The following ADGRV1 variants were observed in gnomAD, a reference collection of about 807,000 sequenced individuals.
The protein encoded by ADGRV1 is G-protein coupled receptor 98.
A neutral mutation model predicts 596.2 loss-of-function variants in ADGRV1; 359 were observed. That is an observed-to-expected ratio of 0.60 (90% CI 0.55 to 0.66). The LOEUF (loss-of-function observed/expected upper bound fraction) is 0.66. ADGRV1 is among the 30% of genes least tolerant of loss of function. The probability of loss-of-function intolerance (pLI) is 0.00; values close to 1 mark genes in which losing one functional copy is unlikely to be tolerated. For synonymous variants in ADGRV1, 2,681 were observed against 2,679.2 expected, an observed-to-expected ratio of 1.00 and a Z score of -0.02; for missense variants, 7,274 against 7,575.6, an observed-to-expected ratio of 0.96 and a Z score of 1.48.
chr5:91,054,102 T>TGTGTGTGTGA (rs1299621929), intron 85 of ADGRV1, among the ~76,000 whole-genome samples: 7 of 126,670 alleles, frequency 5.5e-5, no homozygotes, highest in African/African-American at 1.3e-4. Context: ...TGTGTGTGTG[T>TGTGTGTGTGA]GAGAGAGAGA....
chr5:90,774,201 AC>A lies in ADGRV1; in HGVS notation c.12303del (p.Ile4102LeufsTer21). 2 of 1,601,706 alleles carry A rather than the reference AC, an allele frequency of 1.2e-6. No homozygotes were observed. The highest frequency in any genetic ancestry group is 1.7e-6 in the Non-Finnish European group (2 of 1,171,054). ...LHFDETESQKTIVLHTLQDTV... is the reference protein window; with the variant it reads ...LHFDETESQKXIVLHTLQDTV... Reference sequence around the variant, plus strand: ...TTGGATGTAGACTGAGTCCCAGAAGACCATTGTGTTGCACACACTTCAAGAC... The same window carrying A: ...TTGGATGTAGACTGAGTCCCAGAAGACATTGTGTTGCACACACTTCAAGAC... On this transcript the variant is annotated frameshift_variant, in exon 60 of 90. Transcript: ENST00000405460. LOFTEE classifies it high-confidence loss of function.
At chr5:90,984,128 A>G (rs996199046) in intron 84 of ADGRV1, among the ~76,000 whole-genome samples, 18 of 152,188 alleles carry the variant, frequency 1.2e-4, no homozygotes, top group Non-Finnish European at 2.1e-4. Flanking sequence ...TATACATGCA[A>G]CTGAGGCTCT....
chr5:90,572,070 C>T (rs1288017430), intron 1 of ADGRV1, among the ~76,000 whole-genome samples: 4 of 152,108 alleles, frequency 2.6e-5, no homozygotes. Flanking sequence ...TAGGGCTTCC[C>T]CCTACCTCTT....
At chr5:90,624,489 G>A (rs994363743) in intron 5 of ADGRV1, among the ~76,000 whole-genome samples, 8 of 152,020 alleles carry the variant, frequency 5.3e-5, no homozygotes, top group Admixed American at 2.0e-4. Flanking sequence ...GCCATATACT[G>A]TTGTAAGTGC....
intron 48 of ADGRV1, among the ~76,000 whole-genome samples, chr5:90,727,255 T>C (rs1019398922): frequency 1.3e-5 from 2 of 152,284 alleles, no homozygotes; most frequent in Middle Eastern, 3.4e-3. Flanking sequence ...ACCTGGCTGA[T>C]TTTTTGTATT....
intron 85 of ADGRV1, among the ~76,000 whole-genome samples, chr5:91,046,191 A>G (rs750292857): frequency 1.3e-5 from 2 of 152,160 alleles, no homozygotes; most frequent in Non-Finnish European, 2.9e-5. Context: ...TGGAATCAAA[A>G]AAGAGCCTGC....
chr5:91,083,604 G>A (rs1582004520), intron 86 of ADGRV1, among the ~76,000 whole-genome samples: 2 of 152,264 alleles, frequency 1.3e-5, no homozygotes, highest in East Asian at 3.9e-4. Context: ...AACAAACTTT[G>A]ATCCTCACAG....
At chr5:91,109,258 A>C (rs1792160124) in intron 87 of ADGRV1, among the ~76,000 whole-genome samples, 1 of 152,186 alleles carries the variant, frequency 6.6e-6, no homozygotes, top group Admixed American at 6.5e-5. Context: ...TTAAAAAATT[A>C]AACTGTTGGA....
At chr5:90,669,668 A>G (rs1772143799) in intron 21 of ADGRV1, among the ~76,000 whole-genome samples, 1 of 152,312 alleles carries the variant, frequency 6.6e-6, no homozygotes, top group South Asian at 2.1e-4. Context: ...AAATTATAAC[A>G]CTAGATGTGG....
intron 76 of ADGRV1, among the ~76,000 whole-genome samples, chr5:90,827,377 G>A (rs975793224): frequency 6.6e-6 from 1 of 152,102 alleles, no homozygotes; most frequent in African/African-American, 2.4e-5. Flanking sequence ...GACTCTTTAT[G>A]TTACTAGTCT....
At chr5:90,731,978 G>T (rs564163776) in intron 50 of ADGRV1, among the ~76,000 whole-genome samples, 3 of 152,114 alleles carry the variant, frequency 2.0e-5, no homozygotes, top group Admixed American at 1.3e-4. Flanking sequence ...TTTAATACAT[G>T]GTATATAGAT....
rs727503082 is a variant in ADGRV1 at position 90,788,131 on chromosome 5, A to G, written c.13714A>G (p.Ile4572Val). Residue 4572 changes from isoleucine (I) to valine (V), a missense_variant, in exon 68 of 90, where the codon ATT (isoleucine) becomes GTT (valine). Physicochemically the swap from Ile to Val is conservative, Grantham distance 29. This residue lies in a region of ADGRV1 where 3,643 missense variants were observed against 3,809.2 expected (regional missense o/e 0.96). Transcript: ENST00000405460. ...QEALLPQNRDIADPVSGLFYF... is the reference protein window; with the variant it reads ...QEALLPQNRDVADPVSGLFYF... Reference sequence around the variant, plus strand: ...AGCCTTACTGCCACAGAATAGAGACATTGCAGACCCAGTGAGCGGGTTGTT... The same window carrying G: ...AGCCTTACTGCCACAGAATAGAGACGTTGCAGACCCAGTGAGCGGGTTGTT... 9 of 1,613,578 alleles carry G rather than the reference A, an allele frequency of 5.6e-6. No individual in the cohort carries two copies. Among genetic ancestry groups the G allele is most frequent in the Middle Eastern group, 1.6e-4 (1 of 6,080 alleles).
rs553481153 is a variant in ADGRV1, at chr5:90,960,536, G to A, written c.17857-4879G>A. On this transcript the variant is annotated intron_variant, in intron 83 of 89. Transcript: ENST00000405460. Reference sequence around the variant, plus strand: ...CATTAAAATTAATTTTATTTAAAACGAGATTTATAAGAAAAATTATTACAA... The same window carrying A: ...CATTAAAATTAATTTTATTTAAAACAAGATTTATAAGAAAAATTATTACAA... Among the ~76,000 whole-genome samples the A allele has an allele frequency of 3.3e-5, 5 of 152,146 alleles. No individual in the cohort carries two copies. In the East Asian group the frequency reaches 7.7e-4, roughly 23 times the overall value.
intron 1 of ADGRV1, among the ~76,000 whole-genome samples, chr5:90,575,532 G>T (rs1467421293): frequency 6.6e-6 from 1 of 152,132 alleles, no homozygotes; most frequent in Non-Finnish European, 1.5e-5. Flanking sequence ...TTGCAGGATG[G>T]CCCTTTTCAA....
At chr5:90,635,630 T>C (rs1458258576) in intron 10 of ADGRV1, among the ~76,000 whole-genome samples, 1 of 151,964 alleles carries the variant, frequency 6.6e-6, no homozygotes, top group African/African-American at 2.4e-5. Context: ...TTTTACTCTG[T>C]CGCCCAGGCT....
In ADGRV1 at chr5:90,635,159, A is replaced by T. The variant is rs1184995236; in HGVS notation, c.1885A>T (p.Ile629Leu). The T allele has an allele frequency of 1.9e-6, 3 of 1,610,250 alleles. No individual in the cohort carries two copies. ...AAACATAATTCCTCTAATCCCACCC[A>T]TAAGCCCTAGATTTGGGGAAATCTG... ...LLNIIPLIPP[I>L]SPRFGEICNI... Residue 629 changes from isoleucine to leucine, a missense_variant, in exon 10 of 90, where the codon ATA becomes TTA. By Grantham distance (5) the Ile-to-Leu change is conservative. This residue lies in a region of ADGRV1 where 1,715 missense variants were observed against 1,708.8 expected (regional missense o/e 1.00). Coordinates refer to ENST00000405460, the MANE Select transcript of ADGRV1 (RefSeq NM_032119.4).
At chr5:90,903,893 C>A (rs998692319) in intron 83 of ADGRV1, among the ~76,000 whole-genome samples, 1 of 151,950 alleles carries the variant, frequency 6.6e-6, no homozygotes, top group African/African-American at 2.4e-5. Flanking sequence ...CATTAACCAT[C>A]CTTTCCTTTC....
intron 83 of ADGRV1, among the ~76,000 whole-genome samples, chr5:90,934,756 G>C (rs1452778732): frequency 2.6e-5 from 4 of 152,162 alleles, no homozygotes; most frequent in African/African-American, 4.8e-5. Flanking sequence ...TCGCAGTTCC[G>C]GAGGCTGGCA....
intron 84 of ADGRV1, among the ~76,000 whole-genome samples, chr5:90,974,226 C>T (rs1376239918): frequency 1.3e-5 from 2 of 152,186 alleles, no homozygotes; most frequent in Non-Finnish European, 1.5e-5. Context: ...AAGAACATTC[C>T]ATGCTCATGG....
Sources: allele counts gnomAD v4.1 joint callset (sites outside exome capture counted in the v4.1 genomes callset), GRCh38; gene constraint gnomAD v4.1.1; regional missense constraint gnomAD v4.1.1; transcripts MANE v1.5; gene names NCBI Gene and HGNC (gene_info 2026-07-23, HGNC 2026-07-21).